The following FAM149B1 variants were observed in gnomAD, a reference collection of about 807,000 sequenced individuals.
FAM149B1 encodes the protein family with sequence similarity 149 member B1, also known as primary cilium assembly protein FAM149B1.
A neutral mutation model predicts 75.3 loss-of-function variants in FAM149B1; 56 were observed. The ratio of observed to expected loss-of-function variants is 0.74; its 90% CI spans 0.60 to 0.93. The LOEUF (loss-of-function observed/expected upper bound fraction) is 0.93. Ranked by LOEUF, FAM149B1 falls within the 40% of genes least tolerant of loss-of-function variation. FAM149B1 has a pLI of 0.00. For missense variants in FAM149B1, 639 were observed against 708.4 expected (o/e 0.90, Z 1.11); for synonymous variants, 259 against 256.1 (o/e 1.01, Z -0.11).
intron 1 of FAM149B1, among the ~76,000 whole-genome samples, chr10:73,173,836 A>C (rs1051547504): frequency 1.3e-5 from 2 of 152,114 alleles, no homozygotes; most frequent in Non-Finnish European, 2.9e-5. Context: ...TCTCCAAAAA[A>C]TTTTCCAATA....
intron 9 of FAM149B1, among the ~76,000 whole-genome samples, chr10:73,232,496 C>T (rs947546634): frequency 7.9e-5 from 12 of 152,238 alleles, no homozygotes; most frequent in African/African-American, 2.9e-4. Flanking sequence ...GGTGCCACAA[C>T]TGCTCCCAAG....
chr10:73,228,921 GA>G (rs1333308993), intron 8 of FAM149B1, among the ~76,000 whole-genome samples: 1 of 151,946 alleles, frequency 6.6e-6, no homozygotes, highest in Non-Finnish European at 1.5e-5. Flanking sequence ...TTAGAGAGAG[GA>G]GTCTCACTAT....
intron 5 of FAM149B1, among the ~76,000 whole-genome samples, chr10:73,197,739 CA>C (rs2042841456): frequency 6.6e-6 from 1 of 151,664 alleles, no homozygotes; most frequent in Non-Finnish European, 1.5e-5. Flanking sequence ...CACTGCACTC[CA>C]GCCTGGTGAC....
At chr10:73,193,359 T>A in intron 4 of FAM149B1, 118 bp from the exon 5 acceptor site, 1 of 885,760 alleles carries the variant, frequency 1.1e-6, no homozygotes. Flanking sequence ...TCTTAATCAG[T>A]ATCAGACTGT....
At chr10:73,228,212 C>T in intron 8 of FAM149B1, 28 bp downstream of exon 8, 1 of 1,548,192 alleles carries the variant, frequency 6.5e-7, no homozygotes, top group Non-Finnish European at 8.7e-7. Context: ...CAGTTGGAGA[C>T]CCCAGGGCTA....
chr10:73,179,667 G>T (rs2042350881), intron 3 of FAM149B1, among the ~76,000 whole-genome samples: 1 of 151,986 alleles, frequency 6.6e-6, no homozygotes, highest in African/African-American at 2.4e-5. Flanking sequence ...GAGGTTATAG[G>T]CATGAGCCAC....
At chr10:73,233,466 G>T (rs1409192472) in intron 10 of FAM149B1, among the ~76,000 whole-genome samples, 2 of 152,076 alleles carry the variant, frequency 1.3e-5, no homozygotes, top group African/African-American at 2.4e-5. Flanking sequence ...AGCCTCTCAA[G>T]TAGCCGGGAC....
Position 73,234,913 on chromosome 10 carries a change from G to A in FAM149B1, c.1449G>A (p.Val483=). The A allele has an allele frequency of 6.4e-7, 1 of 1,552,004 alleles. No individual in the cohort carries two copies. The change falls in exon 11 of 14, where the codon GTG becomes GTA. Residue 483 remains valine, a synonymous_variant. Transcript: ENST00000242505. ...TTGGCACAGCTGAAGTGGAACATGTGAGCACTGTGGGGCCACAAAGACAGA... is the reference window on the plus strand; with the variant it reads ...TTGGCACAGCTGAAGTGGAACATGTAAGCACTGTGGGGCCACAAAGACAGA... ...PPIGTAEVEH[V]STVGPQRQMK...
At chr10:73,222,035 A>C (rs993206095) in intron 7 of FAM149B1, among the ~76,000 whole-genome samples, 7 of 152,140 alleles carry the variant, frequency 4.6e-5, no homozygotes, top group Admixed American at 4.6e-4. Context: ...GAATAATTTG[A>C]ATATCTGTGT....
chr10:73,208,579 G>A (rs1345378736), intron 5 of FAM149B1, 40 bp from the exon 6 acceptor site: 1 of 1,391,750 alleles, frequency 7.2e-7, no homozygotes, highest in East Asian at 2.6e-5. Flanking sequence ...AACTGTTTAT[G>A]TTTACATAAT....
rs1452294167 is a variant in FAM149B1 at position 73,202,273 on chromosome 10, T to G, written c.543-6346T>G. Among the ~76,000 whole-genome samples the G allele has an allele frequency of 3.3e-5, 5 of 150,294 alleles. No individual in the cohort carries two copies. In the East Asian group the frequency reaches 9.9e-4, roughly 30 times the overall value. ...GAAATGGGAATATTTTTTCTTCTTA[T>G]CTAGCTAAAATTTCTTTTAATAGTT... On this transcript the variant is annotated intron_variant, in intron 5 of 13. Transcript: ENST00000242505.
At chr10:73,193,670 T>C in intron 5 of FAM149B1, 77 bp downstream of exon 5, 1 of 1,355,766 alleles carries the variant, frequency 7.4e-7, no homozygotes, top group East Asian at 2.5e-5. Flanking sequence ...TATTAAGGGA[T>C]TAAAATACTT....
intron 11 of FAM149B1, 61 bp downstream of exon 11, chr10:73,235,001 C>T (rs2043790836): frequency 3.3e-6 from 5 of 1,528,364 alleles, no homozygotes; most frequent in Middle Eastern, 3.4e-4. Flanking sequence ...GGCAGTAATT[C>T]TGCAGGATCT....
intron 3 of FAM149B1, among the ~76,000 whole-genome samples, chr10:73,179,370 A>G (rs1384518931): frequency 6.6e-6 from 1 of 152,066 alleles, no homozygotes; most frequent in African/African-American, 2.4e-5. Context: ...ATATTTTATA[A>G]ACACTTCTCC....
chr10:73,172,602 T>A (rs1843760999), intron 1 of FAM149B1, among the ~76,000 whole-genome samples: 2 of 152,194 alleles, frequency 1.3e-5, no homozygotes. Context: ...CTGAATGTAT[T>A]TGACTACAGA....
intron 3 of FAM149B1, among the ~76,000 whole-genome samples, chr10:73,187,729 CA>C (rs938873191): frequency 4.1e-5 from 6 of 148,032 alleles, no homozygotes; most frequent in Non-Finnish European, 9.0e-5. Context: ...AACTCTGTCT[CA>C]AAAAAAAATT....
intron 12 of FAM149B1, chr10:73,238,873 C>T (rs1318345114): frequency 1.3e-5 from 2 of 152,778 alleles, no homozygotes; most frequent in African/African-American, 4.8e-5. Context: ...TTTCATAATG[C>T]TAAAAAGTAA....
chr10:73,169,858 A>G (rs1044986671), intron 1 of FAM149B1, among the ~76,000 whole-genome samples: 4 of 148,584 alleles, frequency 2.7e-5, no homozygotes, highest in African/African-American at 7.7e-5. Flanking sequence ...TTAAGATTAT[A>G]TAGCCAAAAA....
chr10:73,183,973 G>C (rs2042461625), intron 3 of FAM149B1, among the ~76,000 whole-genome samples: 2 of 152,290 alleles, frequency 1.3e-5, no homozygotes, highest in Admixed American at 1.3e-4. Context: ...TCCTGGCTGG[G>C]ACAAACAATG....
Sources: allele counts gnomAD v4.1 joint callset (sites outside exome capture counted in the v4.1 genomes callset), GRCh38; gene constraint gnomAD v4.1.1; transcripts MANE v1.5; gene names NCBI Gene and HGNC (gene_info 2026-07-23, HGNC 2026-07-21).